Variants in MICU1 observed in about 807,000 individuals in gnomAD.
The protein encoded by MICU1 is calcium uptake protein 1, mitochondrial.
In MICU1, 45 loss-of-function variants were observed where a neutral mutation model predicts 56.8. That is an observed-to-expected ratio of 0.79 (90% confidence interval 0.62 to 1.02). The LOEUF is 1.02. Among genes scored for constraint, MICU1 ranks in the 50% least tolerant of loss-of-function variants. The pLI, the probability that MICU1 is intolerant of heterozygous loss-of-function variation, is 0.00. For synonymous variants in MICU1, 186 were observed against 195.1 expected (o/e 0.95, Z 0.39); for missense variants, 504 against 587.1 (o/e 0.86, Z 1.46).
chr10:72,569,220 TATATA>T (rs1840529399), intron 1 of MICU1, among the ~76,000 whole-genome samples: 8 of 41,000 alleles, frequency 2.0e-4, no homozygotes, highest in African/African-American at 5.5e-4. Flanking sequence ...TATATATATA[TATATA>T]TATATATATA....
At chr10:72,473,810 T>C (rs1866021792) in intron 8 of MICU1, among the ~76,000 whole-genome samples, 1 of 152,122 alleles carries the variant, frequency 6.6e-6, no homozygotes, top group African/African-American at 2.4e-5. Context: ...AAATCATATA[T>C]AAGAATCTTG....
intron 9 of MICU1, 35 bp downstream of exon 9, chr10:72,423,199 C>T (rs750859952): frequency 1.9e-5 from 31 of 1,601,510 alleles, no homozygotes; most frequent in Admixed American, 1.4e-4. Context: ...TACATTACCA[C>T]GGTTTCTCTT....
At chr10:72,566,846 T>C (rs2132476168) in intron 1 of MICU1, 52 bp from the exon 2 acceptor site, 1 of 1,449,300 alleles carries the variant, frequency 6.9e-7, no homozygotes, top group Non-Finnish European at 9.4e-7. Flanking sequence ...GTTATGATGA[T>C]GATGATGATG....
intron 1 of MICU1, among the ~76,000 whole-genome samples, chr10:72,569,351 C>G (rs747523699): frequency 3.9e-4 from 58 of 149,350 alleles, no homozygotes; most frequent in Non-Finnish European, 4.6e-4. Flanking sequence ...TCTCCTGTCT[C>G]AGCCTCTTGA....
At chr10:72,549,930 CA>C (rs60734797) in intron 4 of MICU1, among the ~76,000 whole-genome samples, 79 of 111,324 alleles carry the variant, frequency 7.1e-4, no homozygotes, top group Admixed American at 7.5e-4. Context: ...AACTCCATCT[CA>C]AAAAAAAAAA....
At chr10:72,611,168 T>C (rs1407874249) in intron 1 of MICU1, among the ~76,000 whole-genome samples, 3 of 151,190 alleles carry the variant, frequency 2.0e-5, no homozygotes, top group Non-Finnish European at 4.4e-5. Flanking sequence ...CCGGGCGCTG[T>C]AGCGGGCGCC....
rs1448792302 is a variant in MICU1 at position 72,569,219 on chromosome 10, ATATATATATATATATATATT to A, written c.-1-2445_-1-2426del. ...ATCATATATATGCATATATATATAT[ATATATATATATATATATATT>A]TTTTTTTTTTTTTGAGATGGCGTCT... On this transcript the variant is annotated intron_variant, in intron 1 of 11. Transcript: ENST00000361114. Among the ~76,000 whole-genome samples the A allele has an allele frequency of 5.3e-4, 20 of 37,726 alleles. 1 individual carries two copies. The highest frequency in any genetic ancestry group is 2.4e-3 in the African/African-American group (19 of 7,834). The allele number at this position is 37,726 out of a possible 152,430, so 24.7% of individuals were successfully genotyped here.
intron 1 of MICU1, among the ~76,000 whole-genome samples, chr10:72,618,806 T>C (rs1186670464): frequency 6.6e-6 from 1 of 152,230 alleles, no homozygotes; most frequent in African/African-American, 2.4e-5. Flanking sequence ...ACTACCCATA[T>C]GTGAGTACTG....
At chr10:72,471,891 T>C (rs945662147) in intron 8 of MICU1, among the ~76,000 whole-genome samples, 2 of 151,686 alleles carry the variant, frequency 1.3e-5, no homozygotes, top group African/African-American at 2.4e-5. Flanking sequence ...GGAACATTCC[T>C]ATAAGAATGC....
intron 9 of MICU1, among the ~76,000 whole-genome samples, chr10:72,421,017 AATAATAAT>A (rs1429939222): frequency 1.4e-5 from 1 of 73,074 alleles, no homozygotes; most frequent in African/African-American, 3.6e-5. Context: ...AAAAAAAAAA[AATAATAAT>A]AATAATAATA....
chr10:72,610,647 A>G (rs575604207), intron 1 of MICU1, among the ~76,000 whole-genome samples: 1 of 152,300 alleles, frequency 6.6e-6, no homozygotes, highest in South Asian at 2.1e-4. Flanking sequence ...CAGCAGAGGA[A>G]TACAACTATT....
At chr10:72,610,901 G>C (rs2132566582) in intron 1 of MICU1, among the ~76,000 whole-genome samples, 1 of 152,198 alleles carries the variant, frequency 6.6e-6, no homozygotes. Flanking sequence ...TATTTTACTA[G>C]CCAAAGGAAA....
intron 11 of MICU1, among the ~76,000 whole-genome samples, chr10:72,370,650 G>A (rs1428409646): frequency 2.0e-5 from 3 of 152,196 alleles, no homozygotes; most frequent in Non-Finnish European, 4.4e-5. Flanking sequence ...GGGCTCTATA[G>A]TCCTGGTAAT....
chr10:72,614,336 T>C (rs1221034390), intron 1 of MICU1, among the ~76,000 whole-genome samples: 3 of 152,056 alleles, frequency 2.0e-5, no homozygotes, highest in Non-Finnish European at 2.9e-5. Flanking sequence ...AAATTAAACA[T>C]AGAATTACCA....
chr10:72,474,446 T>C (rs1183394619), intron 8 of MICU1, among the ~76,000 whole-genome samples: 1 of 152,140 alleles, frequency 6.6e-6, no homozygotes, highest in Non-Finnish European at 1.5e-5. Flanking sequence ...AATAGCATGA[T>C]GGTCTAAACT....
chr10:72,418,138 A>G (rs536602228), intron 9 of MICU1, among the ~76,000 whole-genome samples: 1 of 152,278 alleles, frequency 6.6e-6, no homozygotes, highest in East Asian at 1.9e-4. Context: ...CCATGATTCA[A>G]TTATCTCCAC....
chr10:72,552,259 T>C (rs1360864156), intron 3 of MICU1, among the ~76,000 whole-genome samples: 1 of 152,200 alleles, frequency 6.6e-6, no homozygotes, highest in East Asian at 1.9e-4. Context: ...GTATGGCATA[T>C]ATTTAACTAA....
chr10:72,406,238 G>A (rs1334792102), intron 10 of MICU1, among the ~76,000 whole-genome samples: 9 of 151,906 alleles, frequency 5.9e-5, no homozygotes, highest in African/African-American at 9.7e-5. Flanking sequence ...TAATGGGATC[G>A]AAAACCATAA....
At chr10:72,521,035 A>G (rs888546087) in intron 5 of MICU1, among the ~76,000 whole-genome samples, 13 of 152,160 alleles carry the variant, frequency 8.5e-5, no homozygotes, top group African/African-American at 3.1e-4. Flanking sequence ...TGCTAAAAAG[A>G]AAGTCCTGAG....
Sources: allele counts gnomAD v4.1 joint callset (sites outside exome capture counted in the v4.1 genomes callset), GRCh38; gene constraint gnomAD v4.1.1; transcripts MANE v1.5; gene names NCBI Gene and HGNC (gene_info 2026-07-23, HGNC 2026-07-21).